PCDHGA1: variants seen among roughly 807,000 people sequenced by gnomAD.
The protein encoded by PCDHGA1 is protocadherin gamma subfamily A, 1, also known as protocadherin gamma-A1.
PCDHGA1 carries 32 observed loss-of-function variants against 58.0 expected under a neutral mutation model. That is an observed-to-expected ratio of 0.55 (90% CI 0.42 to 0.74). PCDHGA1 has a LOEUF of 0.74. Ranked by LOEUF, PCDHGA1 falls within the 30% of genes least tolerant of loss-of-function variation. The pLI is 0.00. For missense variants in PCDHGA1, 1,205 were observed against 1,182.3 expected, an observed-to-expected ratio of 1.02 and a Z score of -0.28; for synonymous variants, 498 against 501.1, an observed-to-expected ratio of 0.99 and a Z score of 0.08.
At chr5:141,508,096 G>A (rs1489615862) in intron 3 of PCDHGA1, 1 of 152,476 alleles carries the variant, frequency 6.6e-6, no homozygotes, top group African/African-American at 2.4e-5. Context: ...CCTTGGCCCT[G>A]GGATGGGGTA....
intron 1 of PCDHGA1, chr5:141,376,562 C>G: frequency 1.2e-6 from 2 of 1,608,850 alleles, no homozygotes; most frequent in Non-Finnish European, 8.5e-7. Context: ...CGCAACCCAA[C>G]TAATCAGACA....
rs764375741 is a variant in PCDHGA1 at position 141,333,067 on chromosome 5, C to T, written c.2383C>T (p.Gln795Ter). The T allele has an allele frequency of 1.2e-6, 2 of 1,614,114 alleles. No individual in the cohort carries two copies. The highest frequency in any genetic ancestry group is 1.7e-6 in the Non-Finnish European group (2 of 1,180,062). Residue 795 changes from glutamine (Q) to a stop codon, truncating the protein, a stop_gained, in exon 1 of 4, where the codon CAG becomes TAG. Coordinates refer to ENST00000517417, the MANE Select transcript of PCDHGA1 (RefSeq NM_018912.3). LOFTEE classifies it high-confidence loss of function. ...CEKKGFLSAP[Q>*]SLLEDKKEPF... The stretch of plus-strand genomic sequence containing the variant: ...GAAAAAGGGTTTTCTATCAGCACCC[C>T]AGTCTTTACTTGAAGACAAAAAGGA...
rs1329649336 is a variant in PCDHGA1, at chr5:141,477,589, GCTTT to G, written c.2422-17207_2422-17204del. 2 of 1,614,130 alleles carry G rather than the reference GCTTT, an allele frequency of 1.2e-6. No homozygotes were observed. Among genetic ancestry groups the G allele is most frequent in the South Asian group, 1.1e-5 (1 of 91,086 alleles). ...ACCCCGACGCCCCGCAGAATGCTCGGCTTTCTTTCTTTCTCTTGGAGCAAGGAGC... is the reference window on the plus strand; with the variant it reads ...ACCCCGACGCCCCGCAGAATGCTCGGCTTTCTTTCTCTTGGAGCAAGGAGC... On this transcript the variant is annotated intron_variant, in intron 1 of 3. Coordinates refer to ENST00000517417, the MANE Select transcript of PCDHGA1 (RefSeq NM_018912.3). The surrounding 1 kb of genome is among the most constrained non-coding windows in gnomAD (Gnocchi z 4.9).
chr5:141,425,530 A>G (rs1485711838), intron 1 of PCDHGA1, among the ~76,000 whole-genome samples: 1 of 152,246 alleles, frequency 6.6e-6, no homozygotes, highest in Non-Finnish European at 1.5e-5. Flanking sequence ...ACATGAAACA[A>G]TAATCCTTTT....
intron 1 of PCDHGA1, chr5:141,357,779 A>G (rs552540688): frequency 6.8e-6 from 6 of 880,964 alleles, no homozygotes; most frequent in South Asian, 3.7e-5. Flanking sequence ...ATAATGATCA[A>G]CAGTATTTAC....
intron 1 of PCDHGA1, chr5:141,364,745 A>G: frequency 6.2e-7 from 1 of 1,613,986 alleles, no homozygotes; most frequent in Non-Finnish European, 8.5e-7. Context: ...TGAAGAGTTA[A>G]AAGTAAAAGT....
intron 1 of PCDHGA1, chr5:141,355,958 AGAACGTTCCTGTAG>A: frequency 3.7e-6 from 6 of 1,613,948 alleles, no homozygotes; most frequent in Non-Finnish European, 5.1e-6. Context: ...AGTGTTCGTG[AGAACGTTCCTGTAG>A]GCACTCGGCT....
Position 141,340,528 on chromosome 5 carries a change from C to T in PCDHGA1, c.2421+7423C>T, listed in dbSNP as rs771321111. 3.1e-6 allele frequency: 5 copies of T among 1,614,276 alleles called. No homozygotes were observed. The Admixed American group carries it at 8.3e-5, about 27-fold the overall frequency. ...CTGGAGTACTCTATGCACTGCGCTC[C>T]TTTGATTATGAGCAGTTGCGAGACT... On this transcript the variant is annotated intron_variant, in intron 1 of 3. Transcript: ENST00000517417.
At chr5:141,394,915 C>T in intron 1 of PCDHGA1, 1 of 1,613,774 alleles carries the variant, frequency 6.2e-7, no homozygotes, top group Non-Finnish European at 8.5e-7. Flanking sequence ...GCTGCCATCT[C>T]CTGTGTCTTC....
chr5:141,419,470 G>A (rs2096387963), intron 1 of PCDHGA1: 1 of 1,612,362 alleles, frequency 6.2e-7, no homozygotes, highest in African/African-American at 1.3e-5. Context: ...CCCGCGACCA[G>A]GGCTCGCCCG....
chr5:141,418,107 A>C, intron 1 of PCDHGA1: 1 of 1,614,036 alleles, frequency 6.2e-7, no homozygotes, highest in Non-Finnish European at 8.5e-7. Flanking sequence ...CAGAGCGGGG[A>C]CTTACTTGTG....
intron 1 of PCDHGA1, chr5:141,394,500 C>A (rs1450931785): frequency 3.7e-6 from 6 of 1,614,124 alleles, no homozygotes; most frequent in Non-Finnish European, 5.1e-6. Context: ...GCCCGAGATC[C>A]TGTACCCCGC....
intron 1 of PCDHGA1, among the ~76,000 whole-genome samples, chr5:141,435,547 G>T (rs2097769325): frequency 6.6e-6 from 1 of 152,114 alleles, no homozygotes. Context: ...AACAAAATGT[G>T]TTTTGAGTGC....
chr5:141,395,409 T>G, intron 1 of PCDHGA1: 1 of 813,990 alleles, frequency 1.2e-6, no homozygotes, highest in East Asian at 2.8e-5. Context: ...AGTCATAGGT[T>G]ATTGTTTCAT....
intron 1 of PCDHGA1, among the ~76,000 whole-genome samples, chr5:141,445,746 TA>T (rs1486411811): frequency 2.0e-5 from 3 of 152,028 alleles, no homozygotes; most frequent in Non-Finnish European, 4.4e-5. Flanking sequence ...TTTTAAAAAA[TA>T]AAAGGTGTGA....
At chr5:141,425,069 A>C (rs771114613) in intron 1 of PCDHGA1, among the ~76,000 whole-genome samples, 30 of 152,170 alleles carry the variant, frequency 2.0e-4, no homozygotes, top group Non-Finnish European at 4.1e-4. Context: ...GACAAAAATA[A>C]TTTCAACTGT....
chr5:141,354,817 T>C (rs371536222), intron 1 of PCDHGA1, among the ~76,000 whole-genome samples: 21 of 152,362 alleles, frequency 1.4e-4, no homozygotes, highest in African/African-American at 4.8e-4. Context: ...TAAAGTTTAT[T>C]GTACAGGAAG....
At chr5:141,466,689 A>G (rs2099127361) in intron 1 of PCDHGA1, among the ~76,000 whole-genome samples, 1 of 152,220 alleles carries the variant, frequency 6.6e-6, no homozygotes, top group Admixed American at 6.5e-5. Context: ...CTCAAGCTTC[A>G]TCATAAATTT....
At chr5:141,360,409 C>G (rs890064560) in intron 1 of PCDHGA1, 6 of 1,613,722 alleles carry the variant, frequency 3.7e-6, no homozygotes, top group African/African-American at 1.3e-5. Context: ...CAGAATAGAC[C>G]GAGAACAGAT....
Sources: allele counts gnomAD v4.1 joint callset (sites outside exome capture counted in the v4.1 genomes callset), GRCh38; gene constraint gnomAD v4.1.1; non-coding constraint Gnocchi (gnomAD v3.1); transcripts MANE v1.5; gene names NCBI Gene and HGNC (gene_info 2026-07-23, HGNC 2026-07-21).